The following WSB2 variants were observed in gnomAD, a reference collection of about 807,000 sequenced individuals.
WSB2 encodes the protein WD repeat and SOCS box-containing protein 2.
WSB2 carries 12 observed loss-of-function variants against 48.8 expected under a neutral mutation model. That is an observed-to-expected ratio of 0.25 (90% CI 0.16 to 0.40). The LOEUF (loss-of-function observed/expected upper bound fraction) is 0.40, where lower values mean the gene tolerates loss of function less well. Ranked by LOEUF, WSB2 falls within the 10% of genes least tolerant of loss-of-function variation. The pLI is 1.00. For synonymous variants in WSB2, 191 were observed against 203.1 expected (o/e 0.94, Z 0.51); for missense variants, 317 against 506.2 (o/e 0.63, Z 3.59).
At chr12:118,053,944 G>A (rs2031901704) in intron 1 of WSB2, among the ~76,000 whole-genome samples, 2 of 151,992 alleles carry the variant, frequency 1.3e-5, no homozygotes, top group African/African-American at 4.8e-5. Context: ...CTGAAATCAG[G>A]ATGTATCTTA....
rs770469774 is a variant in WSB2 at position 118,035,174 on chromosome 12, A to G, written c.944+40T>C. ...GGCCTTGCTGCCATTACTTGCAAGCACTTGTTCTGAGGCCATGTAAAGAGA... is the reference window on the plus strand; with the variant it reads ...GGCCTTGCTGCCATTACTTGCAAGCGCTTGTTCTGAGGCCATGTAAAGAGA... On this transcript the variant is annotated intron_variant, in intron 7 of 8. Transcript: ENST00000315436. The G allele has an allele frequency of 3.1e-6, 5 of 1,613,118 alleles. No homozygotes were observed. In the South Asian group the frequency reaches 5.5e-5, roughly 18 times the overall value.
chr12:118,032,917 G>C lies in WSB2; in HGVS notation c.*1279C>G, dbSNP rs16948110. The C allele has an allele frequency of 1.3e-5, 2 of 151,772 alleles. No homozygotes were observed. The highest frequency in any genetic ancestry group is 4.8e-5 in the African/African-American group (2 of 41,284). The allele number at this position is 151,772 out of a possible 1,614,324, so 9.4% of individuals were successfully genotyped here. On this transcript the variant is annotated 3_prime_UTR_variant, in exon 9 of 9. Transcript: ENST00000315436. Reference sequence around the variant, plus strand: ...AACAGAGAGCCAAAAGCTTTTAACTGTTGTTTTTTTCTTTTCTTCAATGAA... The same window carrying C: ...AACAGAGAGCCAAAAGCTTTTAACTCTTGTTTTTTTCTTTTCTTCAATGAA...
At chr12:118,042,815 C>T in intron 4 of WSB2, 26 bp downstream of exon 4, 1 of 1,606,280 alleles carries the variant, frequency 6.2e-7, no homozygotes, top group Non-Finnish European at 8.5e-7. Context: ...TTTGGAGTTG[C>T]CGAGTAGTTC....
At chr12:118,055,815 A>C (rs554784997) in intron 1 of WSB2, among the ~76,000 whole-genome samples, 1 of 151,414 alleles carries the variant, frequency 6.6e-6, no homozygotes, top group South Asian at 2.1e-4. Flanking sequence ...GGTTTTTGCT[A>C]TCTTGGCCAG....
In WSB2 at chr12:118,033,898, C is replaced by CTT. The variant is rs1315202981; in HGVS notation, c.*296_*297dup. On this transcript the variant is annotated 3_prime_UTR_variant, in exon 9 of 9. Transcript: ENST00000315436. ...AATCAAAACAACATCAGTAACTGCA[C>CTT]TTTGAATCAAAACAAGCAGAAAGAG... 1 of 364,416 alleles carries CTT rather than the reference C, an allele frequency of 2.7e-6. No individual in the cohort carries two copies. Among genetic ancestry groups the CTT allele is most frequent in the Non-Finnish European group, 5.1e-6 (1 of 194,538 alleles). 22.6% of individuals were successfully genotyped at this position (364,416 alleles called of 1,614,324 possible). A position where few individuals can be genotyped will look rare whatever the true frequency, so the allele number is the denominator to read the frequency against.
At chr12:118,061,855 A>AGG (rs887344901), upstream of WSB2, among the ~76,000 whole-genome samples, 2 of 34,450 alleles carry the variant, frequency 5.8e-5, no homozygotes, top group Non-Finnish European at 1.1e-4. Flanking sequence ...GAAAATGGGG[A>AGG]GGGGGTGGAA....
chr12:118,039,887 G>C (rs2031593539), intron 4 of WSB2, among the ~76,000 whole-genome samples: 1 of 151,888 alleles, frequency 6.6e-6, no homozygotes, highest in African/African-American at 2.4e-5. Context: ...GGGATTACAG[G>C]TATCTGCCAC....
At chr12:118,037,662 C>T in intron 5 of WSB2, among the ~76,000 whole-genome samples, 1 of 143,754 alleles carries the variant, frequency 7.0e-6, no homozygotes. Flanking sequence ...CAGCGAAACT[C>T]TGTCTAAAAA....
intron 4 of WSB2, among the ~76,000 whole-genome samples, chr12:118,040,850 C>G (rs2031621580): frequency 6.6e-6 from 1 of 152,124 alleles, no homozygotes; most frequent in Non-Finnish European, 1.5e-5. Flanking sequence ...GAGTTTGAGA[C>G]CAGCCTGGCC....
In WSB2 at chr12:118,035,081, G is replaced by A. The variant is rs202062993; in HGVS notation, c.957C>T (p.Ile319=). Residue 319 remains isoleucine (I), a synonymous_variant, in exon 8 of 9, where the codon ATC becomes ATT. Transcript: ENST00000315436. Reference sequence around the variant, plus strand: ...TGGGAGTTTTCAGTTCCAGGGCCCAGATCCTGAGGAGTCTGGATGGGGAGA... The same window carrying A: ...TGGGAGTTTTCAGTTCCAGGGCCCAAATCCTGAGGAGTCTGGATGGGGAGA... ...ATVADDRLLR[I]WALELKTPIA... is the part of the protein sequence containing the mutation. 1.8e-5 allele frequency: 29 copies of A among 1,614,212 alleles called. No individual in the cohort carries two copies. The highest frequency in any genetic ancestry group is 2.4e-5 in the Non-Finnish European group (28 of 1,180,040).
At position 118,054,345 on chromosome 12, in the gene WSB2, C is replaced by T. The variant is rs565522434; in HGVS notation, c.14-1867G>A. Among the ~76,000 whole-genome samples, 282 of 151,316 alleles carry T rather than the reference C, an allele frequency of 1.9e-3. 6 individuals carry two copies. Among genetic ancestry groups the T allele is most frequent in the Middle Eastern group, 3.4e-3 (1 of 292 alleles). Reference sequence around the variant, plus strand: ...GGCGGAGGTTACAGTGAGCCGAGATCGTGCCACTGCACTCCAGCCTGGGTG... The same window carrying T: ...GGCGGAGGTTACAGTGAGCCGAGATTGTGCCACTGCACTCCAGCCTGGGTG... On this transcript the variant is annotated intron_variant, in intron 1 of 8. Coordinates refer to ENST00000315436, the MANE Select transcript of WSB2 (RefSeq NM_018639.5).
At chr12:118,052,696 A>T in intron 1 of WSB2, 1 of 653,586 alleles carries the variant, frequency 1.5e-6, no homozygotes, top group Non-Finnish European at 2.6e-6. Context: ...ACCATGACTC[A>T]CAGTAACCTT....
At chr12:118,059,289 T>C (rs2032019611) in intron 1 of WSB2, among the ~76,000 whole-genome samples, 2 of 152,232 alleles carry the variant, frequency 1.3e-5, no homozygotes, top group Admixed American at 1.3e-4. Context: ...GAAAGAGTTT[T>C]TAAATTGTCA....
intron 5 of WSB2, 136 bp from the exon 6 acceptor site, chr12:118,036,646 T>G: frequency 6.7e-6 from 6 of 892,812 alleles, no homozygotes; most frequent in East Asian, 2.5e-5. Context: ...TCTACAGCTC[T>G]TCCAGAACGT....
intron 2 of WSB2, among the ~76,000 whole-genome samples, chr12:118,043,824 G>A (rs1403211760): frequency 2.0e-5 from 3 of 151,814 alleles, no homozygotes; most frequent in African/African-American, 7.3e-5. Context: ...TTCTTTTTAA[G>A]AGTTGATGTA....
At chr12:118,052,202 G>T in intron 2 of WSB2, 108 bp downstream of exon 2, 1 of 1,431,492 alleles carries the variant, frequency 7.0e-7, no homozygotes, top group Non-Finnish European at 9.4e-7. Context: ...ATCAATTCCT[G>T]AACCATGAGC....
At chr12:118,036,152 A>G in intron 6 of WSB2, 186 bp downstream of exon 6, 2 of 637,998 alleles carry the variant, frequency 3.1e-6, no homozygotes, top group Non-Finnish European at 5.1e-6. Context: ...CAGTGATCCA[A>G]GATTGCGCCA....
intron 2 of WSB2, among the ~76,000 whole-genome samples, chr12:118,048,512 G>A (rs1485363814): frequency 1.3e-5 from 2 of 151,744 alleles, no homozygotes; most frequent in East Asian, 3.9e-4. Flanking sequence ...CTTGAATCCA[G>A]GAGGCAGAGG....
At chr12:118,038,787 T>G (rs948813476) in intron 4 of WSB2, among the ~76,000 whole-genome samples, 12 of 152,118 alleles carry the variant, frequency 7.9e-5, no homozygotes, top group Non-Finnish European at 1.5e-4. Context: ...TTGAAGCGAT[T>G]CTCCTGCCTC....
Sources: gnomAD v4.1 joint callset for allele counts (sites outside exome capture counted in the v4.1 genomes callset) on GRCh38, gnomAD v4.1.1 for gene constraint, MANE v1.5 for transcripts, NCBI Gene and HGNC (gene_info 2026-07-23, HGNC 2026-07-21) for gene names.